Variants in DSCAM observed in about 807,000 individuals in gnomAD.
DSCAM encodes cell adhesion molecule DSCAM.
Under a neutral mutation model 217.7 loss-of-function variants are expected in DSCAM, and 47 were observed. The observed-to-expected ratio is 0.22, with a 90% CI of 0.17 to 0.28. The LOEUF (loss-of-function observed/expected upper bound fraction) is 0.28. DSCAM is among the 10% of genes least tolerant of loss of function. The pLI, the probability that DSCAM is intolerant of heterozygous loss-of-function variation, is 1.00. For missense variants in DSCAM, 2,080 were observed against 2,618.3 expected, an observed-to-expected ratio of 0.79 and a Z score of 4.49; for synonymous variants, 1,056 against 1,015.3, an observed-to-expected ratio of 1.04 and a Z score of -0.76.
At position 40,093,887 on chromosome 21, in the gene DSCAM, A is replaced by C; in HGVS notation, c.3697-13T>G. 2 of 1,608,324 alleles carry C rather than the reference A, an allele frequency of 1.2e-6. No individual in the cohort carries two copies. The highest frequency in any genetic ancestry group is 1.7e-6 in the Non-Finnish European group (2 of 1,176,084). On this transcript the variant is annotated splice_polypyrimidine_tract_variant and intron_variant, in intron 20 of 32. Coordinates refer to ENST00000400454, the MANE Select transcript of DSCAM (RefSeq NM_001389.5). ...ACTCGCTGATCACCTGTAAAAAGAGACATAAGTGTTCCCACATTCAAAGAA... is the reference window on the plus strand; with the variant it reads ...ACTCGCTGATCACCTGTAAAAAGAGCCATAAGTGTTCCCACATTCAAAGAA...
intron 3 of DSCAM, among the ~76,000 whole-genome samples, chr21:40,643,971 C>A (rs1454167862): frequency 1.3e-5 from 2 of 152,206 alleles, no homozygotes; most frequent in Admixed American, 1.3e-4. Flanking sequence ...ATTCCATCCA[C>A]ATTTGTTCAA....
chr21:40,373,085 T>A (rs1443390730), intron 3 of DSCAM, among the ~76,000 whole-genome samples: 1 of 152,116 alleles, frequency 6.6e-6, no homozygotes, highest in African/African-American at 2.4e-5. Context: ...CAAAAAACAC[T>A]CATAGAGCAG....
chr21:40,277,078 C>A (rs1246669078), intron 10 of DSCAM, among the ~76,000 whole-genome samples: 3 of 152,038 alleles, frequency 2.0e-5, no homozygotes, highest in African/African-American at 7.2e-5. Context: ...TGCTTCTGGC[C>A]TGGAGGAGTT....
chr21:40,098,092 A>C (rs2089706419), intron 20 of DSCAM, among the ~76,000 whole-genome samples: 1 of 152,048 alleles, frequency 6.6e-6, no homozygotes, highest in African/African-American at 2.4e-5. Flanking sequence ...AACACTAATC[A>C]AAAAAATATG....
intron 32 of DSCAM, among the ~76,000 whole-genome samples, chr21:40,039,164 T>G (rs1023368978): frequency 6.9e-6 from 1 of 144,780 alleles, no homozygotes; most frequent in Non-Finnish European, 1.5e-5. Context: ...ACTTAAAGTA[T>G]AATAATAAAG....
chr21:40,206,073 G>C (rs1323214271), intron 11 of DSCAM, among the ~76,000 whole-genome samples: 1 of 152,216 alleles, frequency 6.6e-6, no homozygotes. Context: ...TGTGAAATCT[G>C]ACACAACGTG....
chr21:40,261,824 G>A (rs762095041), intron 11 of DSCAM, among the ~76,000 whole-genome samples: 4 of 152,006 alleles, frequency 2.6e-5, no homozygotes, highest in African/African-American at 7.3e-5. Context: ...TTAATGTTAT[G>A]GATTTAATGG....
intron 11 of DSCAM, among the ~76,000 whole-genome samples, chr21:40,200,822 C>A (rs893178419): frequency 6.6e-6 from 1 of 152,170 alleles, no homozygotes; most frequent in Non-Finnish European, 1.5e-5. Flanking sequence ...GTTAGAGGAA[C>A]CCTCTGAGGG....
intron 11 of DSCAM, among the ~76,000 whole-genome samples, chr21:40,247,837 C>T (rs974397346): frequency 2.0e-5 from 3 of 152,222 alleles, no homozygotes; most frequent in African/African-American, 7.2e-5. Context: ...TTTGACACTG[C>T]CCTAGCAGAG....
At chr21:40,115,981 G>T (rs577867467) in intron 20 of DSCAM, among the ~76,000 whole-genome samples, 33 of 152,298 alleles carry the variant, frequency 2.2e-4, no homozygotes, top group African/African-American at 7.5e-4. Flanking sequence ...CCATGAAAAA[G>T]AACAAGATCA....
intron 3 of DSCAM, among the ~76,000 whole-genome samples, chr21:40,389,955 T>C (rs1196521322): frequency 1.3e-5 from 2 of 152,202 alleles, no homozygotes; most frequent in Non-Finnish European, 2.9e-5. Context: ...AGTCTGGGTG[T>C]TTCTTCTCAT....
intron 3 of DSCAM, among the ~76,000 whole-genome samples, chr21:40,439,702 C>A (rs541446084): frequency 6.6e-6 from 1 of 152,102 alleles, no homozygotes; most frequent in Non-Finnish European, 1.5e-5. Context: ...GCTGGGGAGC[C>A]CTCACAGTTA....
intron 3 of DSCAM, among the ~76,000 whole-genome samples, chr21:40,674,624 T>TTA: frequency 9.9e-6 from 1 of 101,306 alleles, no homozygotes; most frequent in African/African-American, 3.7e-5. Context: ...CTTTTTCTTT[T>TTA]TCTTTTTCTT....
At chr21:40,589,393 T>C (rs922652310) in intron 3 of DSCAM, among the ~76,000 whole-genome samples, 3 of 152,126 alleles carry the variant, frequency 2.0e-5, no homozygotes, top group African/African-American at 7.2e-5. Flanking sequence ...CTGGCCAATA[T>C]GGTGAAACCC....
chr21:40,614,216 C>T (rs2089356140), intron 3 of DSCAM, among the ~76,000 whole-genome samples: 2 of 152,298 alleles, frequency 1.3e-5, no homozygotes, highest in African/African-American at 4.8e-5. Flanking sequence ...AAGAGAGATG[C>T]AGGCTGTAGA....
chr21:40,396,028 C>T (rs902112607), intron 3 of DSCAM, among the ~76,000 whole-genome samples: 8 of 152,152 alleles, frequency 5.3e-5, no homozygotes, highest in African/African-American at 1.7e-4. Flanking sequence ...CCTACGGAAG[C>T]GGGTCCCATG....
intron 10 of DSCAM, among the ~76,000 whole-genome samples, chr21:40,286,711 C>G (rs901349975): frequency 2.7e-5 from 4 of 145,964 alleles, no homozygotes; most frequent in Admixed American, 6.8e-5. Flanking sequence ...TCTGCAGTGT[C>G]ATCTGCAGTG....
chr21:40,020,747 A>C (rs759743282), intron 32 of DSCAM, among the ~76,000 whole-genome samples: 1 of 152,158 alleles, frequency 6.6e-6, no homozygotes. Flanking sequence ...GTTCCTTCCC[A>C]GTGAGCTAAA....
chr21:40,668,648 T>C (rs1367418195), intron 3 of DSCAM, among the ~76,000 whole-genome samples: 1 of 152,216 alleles, frequency 6.6e-6, no homozygotes, highest in African/African-American at 2.4e-5. Context: ...ACAGGATTCC[T>C]GGGTGATTCA....
Sources: allele counts gnomAD v4.1 joint callset (sites outside exome capture counted in the v4.1 genomes callset), GRCh38; gene constraint gnomAD v4.1.1; transcripts MANE v1.5; gene names NCBI Gene and HGNC (gene_info 2026-07-23, HGNC 2026-07-21).